The following KCNB2 variants were observed in gnomAD, a reference collection of about 807,000 sequenced individuals.
KCNB2 encodes potassium voltage-gated channel subfamily B member 2, also known as delayed rectifier potassium channel protein.
Under a neutral mutation model 61.5 loss-of-function variants are expected in KCNB2, and 15 were observed. That is an observed-to-expected ratio of 0.24 (90% confidence interval 0.16 to 0.38). The LOEUF is 0.38. KCNB2 is among the 10% of genes least tolerant of loss of function. The probability of loss-of-function intolerance (pLI) is 1.00; values close to 1 mark genes in which losing one functional copy is unlikely to be tolerated. For synonymous variants in KCNB2, 457 were observed against 446.0 expected (o/e 1.02, Z -0.31); for missense variants, 828 against 1,125.2 (o/e 0.74, Z 3.78).
chr8:72,746,450 G>T (rs1459412214), intron 2 of KCNB2, among the ~76,000 whole-genome samples: 1 of 152,086 alleles, frequency 6.6e-6, no homozygotes, highest in African/African-American at 2.4e-5. Context: ...AAATGTTCTT[G>T]TCTACTAAAG....
At chr8:72,642,001 G>T (rs1244665456) in intron 2 of KCNB2, among the ~76,000 whole-genome samples, 1 of 152,084 alleles carries the variant, frequency 6.6e-6, no homozygotes, top group South Asian at 2.1e-4. Context: ...CTGAACATAG[G>T]ACTCTGCTAA....
At chr8:72,634,048 G>A (rs1356454096) in intron 2 of KCNB2, among the ~76,000 whole-genome samples, 1 of 152,146 alleles carries the variant, frequency 6.6e-6, no homozygotes, top group African/African-American at 2.4e-5. Flanking sequence ...TAGGTAAATT[G>A]TCACCTTGCT....
intron 2 of KCNB2, among the ~76,000 whole-genome samples, chr8:72,855,207 G>A (rs768247507): frequency 6.6e-6 from 1 of 152,130 alleles, no homozygotes; most frequent in Non-Finnish European, 1.5e-5. Context: ...TGGGTTATAT[G>A]CCCAACATGG....
At chr8:72,610,059 CA>C (rs1360583539) in intron 2 of KCNB2, among the ~76,000 whole-genome samples, 1 of 151,654 alleles carries the variant, frequency 6.6e-6, no homozygotes, top group Non-Finnish European at 1.5e-5. Context: ...AATAATATTT[CA>C]AAAAAATTTG....
intron 2 of KCNB2, among the ~76,000 whole-genome samples, chr8:72,647,781 A>G (rs1806153309): frequency 1.3e-5 from 2 of 152,266 alleles, no homozygotes; most frequent in South Asian, 4.2e-4. Context: ...TGTGCCCCCT[A>G]GCTGTCAATT....
chr8:72,558,625 C>T (rs1413757035), intron 1 of KCNB2, among the ~76,000 whole-genome samples: 1 of 152,004 alleles, frequency 6.6e-6, no homozygotes, highest in Non-Finnish European at 1.5e-5. Context: ...TAATTAAACC[C>T]GATTATTTAC....
At chr8:72,615,077 C>T (rs923339106) in intron 2 of KCNB2, among the ~76,000 whole-genome samples, 2 of 152,238 alleles carry the variant, frequency 1.3e-5, no homozygotes, top group Non-Finnish European at 2.9e-5. Flanking sequence ...TTGGACTCCA[C>T]GTTTGCAGTG....
chr8:72,927,346 C>G (rs930708185), intron 2 of KCNB2, among the ~76,000 whole-genome samples: 3 of 151,942 alleles, frequency 2.0e-5, no homozygotes, highest in Admixed American at 2.0e-4. Context: ...TCTTGGCTCA[C>G]TACAACCTGC....
In KCNB2 at chr8:72,580,924, T is replaced by C. The variant is rs111858685; in HGVS notation, c.579+12611T>C. 6.9e-3 allele frequency among the ~76,000 whole-genome samples: 1,056 copies of C among 152,302 alleles called. 15 individuals are homozygous for C. Among genetic ancestry groups the C allele is most frequent in the African/African-American group, 0.024 (1,010 of 41,568 alleles). On this transcript the variant is annotated intron_variant, in intron 2 of 2. Coordinates refer to ENST00000523207, the MANE Select transcript of KCNB2 (RefSeq NM_004770.3). The stretch of plus-strand genomic sequence containing the variant: ...TGTGGGCCTCTCCTGAATTAAAAAC[T>C]GCAATGATTCCCCACTGCCTGCGAT...
intron 2 of KCNB2, among the ~76,000 whole-genome samples, chr8:72,588,181 C>T (rs552073086): frequency 1.3e-5 from 2 of 151,210 alleles, no homozygotes; most frequent in African/African-American, 4.8e-5. Flanking sequence ...AAGTTTTCTT[C>T]CAGTCTGAGG....
intron 2 of KCNB2, among the ~76,000 whole-genome samples, chr8:72,851,489 T>C (rs958782563): frequency 1.3e-5 from 2 of 152,160 alleles, no homozygotes; most frequent in Non-Finnish European, 2.9e-5. Flanking sequence ...TTCTAAAGAA[T>C]TGGACATGGG....
intron 2 of KCNB2, among the ~76,000 whole-genome samples, chr8:72,765,456 C>T (rs1348104799): frequency 6.6e-6 from 1 of 152,196 alleles, no homozygotes; most frequent in African/African-American, 2.4e-5. Context: ...TATTTCTCCC[C>T]AAACCACAGT....
At chr8:72,709,531 G>A (rs1358336964) in intron 2 of KCNB2, among the ~76,000 whole-genome samples, 1 of 151,814 alleles carries the variant, frequency 6.6e-6, no homozygotes, top group Non-Finnish European at 1.5e-5. Flanking sequence ...TGAAGCGGGA[G>A]CAGGTGTGTC....
chr8:72,921,928 G>A, intron 2 of KCNB2, among the ~76,000 whole-genome samples: 1 of 152,072 alleles, frequency 6.6e-6, no homozygotes, highest in East Asian at 1.9e-4. Context: ...GTATGAAATG[G>A]CTCTGTGAGT....
At chr8:72,741,747 T>C (rs181615471) in intron 2 of KCNB2, among the ~76,000 whole-genome samples, 30 of 152,304 alleles carry the variant, frequency 2.0e-4, no homozygotes, top group African/African-American at 4.3e-4. Flanking sequence ...ATGCCATTAT[T>C]TTGTTCTTTT....
chr8:72,723,909 A>T (rs1433232165), intron 2 of KCNB2, among the ~76,000 whole-genome samples: 1 of 152,078 alleles, frequency 6.6e-6, no homozygotes, highest in Non-Finnish European at 1.5e-5. Context: ...TAGAGCAAGT[A>T]CTCTCTATGT....
intron 2 of KCNB2, among the ~76,000 whole-genome samples, chr8:72,611,702 CT>C (rs2128983426): frequency 6.6e-6 from 1 of 152,240 alleles, no homozygotes; most frequent in South Asian, 2.1e-4. Context: ...TTCATAGCAC[CT>C]TTTAAGTGTA....
intron 1 of KCNB2, among the ~76,000 whole-genome samples, chr8:72,541,790 A>G (rs1018676973): frequency 6.6e-6 from 1 of 152,310 alleles, no homozygotes; most frequent in South Asian, 2.1e-4. Context: ...AGGCTGGCTG[A>G]TGCAGATGAT....
chr8:72,934,225 G>C (rs1355883383), intron 2 of KCNB2, among the ~76,000 whole-genome samples: 1 of 151,928 alleles, frequency 6.6e-6, no homozygotes, highest in Non-Finnish European at 1.5e-5. Flanking sequence ...AAAATTAGCT[G>C]AGCATGGTGG....
Sources: gnomAD v4.1 joint callset for allele counts (sites outside exome capture counted in the v4.1 genomes callset) on GRCh38, gnomAD v4.1.1 for gene constraint, MANE v1.5 for transcripts, NCBI Gene and HGNC (gene_info 2026-07-23, HGNC 2026-07-21) for gene names.